Variants in CHST9 observed in about 807,000 individuals in gnomAD.
CHST9 encodes the protein carbohydrate sulfotransferase 9, also known as GalNAc-4-sulfotransferase 2.
A neutral mutation model predicts 44.4 loss-of-function variants in CHST9; 41 were observed. The observed-to-expected ratio is 0.92, with a 90% CI of 0.72 to 1.20. The LOEUF is 1.20. Among genes scored for constraint, CHST9 ranks in the 50% most tolerant of loss-of-function variants. CHST9 has a pLI of 0.00. For missense variants in CHST9, 504 were observed against 516.5 expected (o/e 0.98, Z 0.23); for synonymous variants, 171 against 178.4 (o/e 0.96, Z 0.33).
chr18:26,922,321 G>A (rs1010815546), intron 5 of CHST9, among the ~76,000 whole-genome samples: 1 of 152,174 alleles, frequency 6.6e-6, no homozygotes, highest in Non-Finnish European at 1.5e-5. Flanking sequence ...TCTCCAGTGA[G>A]TGATTCTACT....
intron 4 of CHST9, among the ~76,000 whole-genome samples, chr18:26,996,394 C>T (rs1244582602): frequency 6.6e-6 from 1 of 152,062 alleles, no homozygotes; most frequent in African/African-American, 2.4e-5. Context: ...GTCATGGGAG[C>T]GGATCCCTCA....
At chr18:27,014,453 C>CAAAAGAA (rs2057123302) in intron 4 of CHST9, among the ~76,000 whole-genome samples, 1 of 39,420 alleles carries the variant, frequency 2.5e-5, no homozygotes, top group Non-Finnish European at 4.2e-5. Flanking sequence ...GACTCTGTCT[C>CAAAAGAA]AAAAAAAAAA....
At chr18:27,083,916 A>G (rs991865635) in intron 2 of CHST9, among the ~76,000 whole-genome samples, 6 of 152,030 alleles carry the variant, frequency 3.9e-5, no homozygotes, top group African/African-American at 1.4e-4. Flanking sequence ...CTGTGGTTTT[A>G]GTTCTGTTTG....
chr18:27,031,174 A>C (rs550036994), intron 3 of CHST9, among the ~76,000 whole-genome samples: 226 of 152,280 alleles, frequency 1.5e-3, no homozygotes, highest in African/African-American at 5.2e-3. Flanking sequence ...CCAAATATTT[A>C]TGCAATCTTC....
At chr18:27,102,053 C>G (rs1050056467) in intron 2 of CHST9, among the ~76,000 whole-genome samples, 2 of 152,178 alleles carry the variant, frequency 1.3e-5, no homozygotes, top group Non-Finnish European at 2.9e-5. Context: ...TTCCCACTAA[C>G]TGAAGAATTT....
intron 1 of CHST9, among the ~76,000 whole-genome samples, chr18:27,150,358 A>C (rs1353424632): frequency 1.3e-5 from 2 of 152,134 alleles, no homozygotes; most frequent in African/African-American, 2.4e-5. Context: ...AGCACATTCT[A>C]AACATTACAG....
intron 2 of CHST9, among the ~76,000 whole-genome samples, chr18:27,103,758 G>T (rs2058195794): frequency 6.6e-6 from 1 of 152,092 alleles, no homozygotes; most frequent in Non-Finnish European, 1.5e-5. Flanking sequence ...ATCAACTGCT[G>T]GTCATTAGCA....
intron 1 of CHST9, among the ~76,000 whole-genome samples, chr18:27,145,348 C>A (rs987565586): frequency 6.6e-6 from 1 of 152,106 alleles, no homozygotes; most frequent in East Asian, 1.9e-4. Flanking sequence ...CCACACCCGA[C>A]TAATTTTTGT....
chr18:27,118,083 T>TTCAGTGGG (rs2058344296), intron 2 of CHST9, among the ~76,000 whole-genome samples: 1 of 152,218 alleles, frequency 6.6e-6, no homozygotes, highest in African/African-American at 2.4e-5. Context: ...ATTTTGGCCA[T>TTCAGTGGG]TCAGTGGGTA....
intron 5 of CHST9, chr18:26,925,779 A>G (rs1309036351): frequency 6.6e-6 from 1 of 152,206 alleles, no homozygotes; most frequent in Non-Finnish European, 1.5e-5. Flanking sequence ...TAATGTAAAT[A>G]TGTTCTCCAT....
rs753217127 is a variant in CHST9 at position 27,176,237 on chromosome 18, GT to G, written c.-97+8898del. 3.3e-5 allele frequency among the ~76,000 whole-genome samples: 5 copies of G among 152,074 alleles called. No individual in the cohort carries two copies. The South Asian group carries it at 1.0e-3, about 32-fold the overall frequency. ...CAAAGCAATGGTAATTCATTTAAGTGTTATCCGTGGTTGCAAGGTGATAGTT... is the reference window on the plus strand; with the variant it reads ...CAAAGCAATGGTAATTCATTTAAGTGTATCCGTGGTTGCAAGGTGATAGTT... On this transcript the variant is annotated intron_variant, in intron 1 of 5. Transcript: ENST00000618847.
chr18:27,090,428 T>C (rs2058057050), intron 2 of CHST9, among the ~76,000 whole-genome samples: 1 of 152,334 alleles, frequency 6.6e-6, no homozygotes, highest in South Asian at 2.1e-4. Flanking sequence ...TTTCTTTTGC[T>C]GTGCAGAAGC....
At chr18:27,081,532 T>G (rs1471667733) in intron 2 of CHST9, among the ~76,000 whole-genome samples, 1 of 152,116 alleles carries the variant, frequency 6.6e-6, no homozygotes, top group Non-Finnish European at 1.5e-5. Context: ...GGAACTTGTC[T>G]CCCATCCCAA....
At chr18:27,076,207 T>C (rs558848815) in intron 2 of CHST9, among the ~76,000 whole-genome samples, 1 of 152,208 alleles carries the variant, frequency 6.6e-6, no homozygotes, top group Non-Finnish European at 1.5e-5. Flanking sequence ...ATTAAATTCC[T>C]GAGAGTTTAG....
At chr18:26,944,216 A>G (rs1019441486) in intron 5 of CHST9, 113 bp downstream of exon 5, 53 of 784,430 alleles carry the variant, frequency 6.8e-5, no homozygotes, top group Non-Finnish European at 1.1e-4. Context: ...AATAACATAT[A>G]TATTGCTCAT....
At chr18:27,066,039 T>C (rs773249007) in intron 2 of CHST9, among the ~76,000 whole-genome samples, 47 of 152,288 alleles carry the variant, frequency 3.1e-4, no homozygotes, top group Non-Finnish European at 3.2e-4. Flanking sequence ...AAAGGTGGCA[T>C]GTAGAGGGCA....
At chr18:27,058,986 C>CT (rs747782027) in intron 2 of CHST9, among the ~76,000 whole-genome samples, 5 of 151,930 alleles carry the variant, frequency 3.3e-5, no homozygotes, top group Admixed American at 6.6e-5. Flanking sequence ...CAGGGCTCAC[C>CT]TAGATTCCTT....
intron 3 of CHST9, among the ~76,000 whole-genome samples, chr18:27,028,351 A>C (rs757661447): frequency 6.6e-6 from 1 of 152,196 alleles, no homozygotes; most frequent in Non-Finnish European, 1.5e-5. Flanking sequence ...TGAACTAGCA[A>C]AACTGGCACA....
At chr18:27,010,845 G>A (rs2057075201) in intron 4 of CHST9, among the ~76,000 whole-genome samples, 1 of 152,146 alleles carries the variant, frequency 6.6e-6, no homozygotes, top group South Asian at 2.1e-4. Flanking sequence ...AGAAGCTATA[G>A]TCACTTGCAG....
Sources: allele counts gnomAD v4.1 joint callset (sites outside exome capture counted in the v4.1 genomes callset), GRCh38; gene constraint gnomAD v4.1.1; transcripts MANE v1.5; gene names NCBI Gene and HGNC (gene_info 2026-07-23, HGNC 2026-07-21).